The following PCED1B variants were observed in gnomAD, a reference collection of about 807,000 sequenced individuals.
PCED1B encodes PC-esterase domain containing 1B.
For missense variants in PCED1B, 573 were observed against 573.9 expected (o/e 1.00, Z 0.02); for synonymous variants, 251 against 246.1 (o/e 1.02, Z -0.19).
At chr12:47,218,669 C>CTTT (rs59140565) in intron 3 of PCED1B, among the ~76,000 whole-genome samples, 2 of 128,390 alleles carry the variant, frequency 1.6e-5, no homozygotes, top group Non-Finnish European at 1.6e-5. Flanking sequence ...AATTTTTTTT[C>CTTT]TTTTTTTTTT....
At chr12:47,087,240 A>T (rs1481222428) in intron 1 of PCED1B, among the ~76,000 whole-genome samples, 2 of 152,194 alleles carry the variant, frequency 1.3e-5, no homozygotes, top group African/African-American at 4.8e-5. Context: ...CCTACCACTT[A>T]TTATATTCTC....
chr12:47,205,917 A>T (rs931152831), intron 2 of PCED1B: 1 of 152,216 alleles, frequency 6.6e-6, no homozygotes, highest in African/African-American at 2.4e-5. Context: ...CCAGGGTTTT[A>T]TTATTACTCA....
At chr12:47,107,592 C>T (rs902539469) in intron 2 of PCED1B, among the ~76,000 whole-genome samples, 1 of 152,228 alleles carries the variant, frequency 6.6e-6, no homozygotes, top group South Asian at 2.1e-4. Flanking sequence ...AGAGGCCAGA[C>T]TCCAGCAGGC....
intron 3 of PCED1B, among the ~76,000 whole-genome samples, chr12:47,234,385 C>G (rs1943905995): frequency 6.6e-6 from 1 of 152,186 alleles, no homozygotes; most frequent in Non-Finnish European, 1.5e-5. Flanking sequence ...CGATATAAGA[C>G]TGTAAAGAAT....
intron 2 of PCED1B, among the ~76,000 whole-genome samples, chr12:47,164,931 G>C (rs989692655): frequency 6.6e-6 from 1 of 152,184 alleles, no homozygotes; most frequent in Admixed American, 6.5e-5. Context: ...AGGAAACCCT[G>C]GGCAGTGTGC....
At chr12:47,079,814 C>G (rs1941934393) in intron 1 of PCED1B, 89 bp downstream of exon 1, 1 of 149,190 alleles carries the variant, frequency 6.7e-6, no homozygotes. Context: ...CGCAGGCAGC[C>G]GGGCGGCAGC....
At chr12:47,090,189 T>A (rs905879827) in intron 1 of PCED1B, among the ~76,000 whole-genome samples, 25 of 152,082 alleles carry the variant, frequency 1.6e-4, no homozygotes, top group African/African-American at 5.8e-4. Context: ...TAACGGAGAA[T>A]GCAAAGACAA....
chr12:47,141,163 T>C (rs1310237736), intron 2 of PCED1B, among the ~76,000 whole-genome samples: 1 of 152,166 alleles, frequency 6.6e-6, no homozygotes, highest in African/African-American at 2.4e-5. Flanking sequence ...CCTCACTAAG[T>C]GTCTGTTTAA....
intron 2 of PCED1B, among the ~76,000 whole-genome samples, chr12:47,178,097 CCCACATGA>C (rs1941981357): frequency 6.6e-6 from 1 of 152,082 alleles, no homozygotes; most frequent in African/African-American, 2.4e-5. Context: ...TGCTTAAGGG[CCCACATGA>C]CCAAGAGTAG....
intron 2 of PCED1B, among the ~76,000 whole-genome samples, chr12:47,141,845 C>T (rs1009261104): frequency 2.0e-5 from 3 of 152,192 alleles, no homozygotes; most frequent in South Asian, 2.1e-4. Context: ...CCCTGTGACC[C>T]AGCTTCAGCA....
intron 2 of PCED1B, among the ~76,000 whole-genome samples, chr12:47,144,436 T>C (rs1178663988): frequency 6.6e-6 from 1 of 152,240 alleles, no homozygotes; most frequent in Admixed American, 6.5e-5. Flanking sequence ...TAACAGTATC[T>C]TGGTCACACA....
At chr12:47,166,958 T>C (rs911381098) in intron 2 of PCED1B, among the ~76,000 whole-genome samples, 9 of 152,256 alleles carry the variant, frequency 5.9e-5, no homozygotes, top group African/African-American at 2.2e-4. Flanking sequence ...GCCAGATGGT[T>C]AAGGCTTTTA....
At chr12:47,111,160 C>G (rs1939177761) in intron 2 of PCED1B, among the ~76,000 whole-genome samples, 1 of 152,100 alleles carries the variant, frequency 6.6e-6, no homozygotes, top group Non-Finnish European at 1.5e-5. Flanking sequence ...TTTCAAGGAC[C>G]TGTGCCACAA....
intron 2 of PCED1B, among the ~76,000 whole-genome samples, chr12:47,161,328 T>C (rs1033441187): frequency 3.9e-5 from 6 of 152,206 alleles, no homozygotes; most frequent in Non-Finnish European, 8.8e-5. Flanking sequence ...GTTAAAAAAA[T>C]GGTGTTTTCC....
At chr12:47,217,946 A>G (rs1943352233) in intron 3 of PCED1B, among the ~76,000 whole-genome samples, 1 of 152,212 alleles carries the variant, frequency 6.6e-6, no homozygotes, top group South Asian at 2.1e-4. Context: ...GGTATGCTAA[A>G]TAATGCCACT....
At chr12:47,123,329 T>G (rs1040775287) in intron 2 of PCED1B, among the ~76,000 whole-genome samples, 1 of 152,320 alleles carries the variant, frequency 6.6e-6, no homozygotes, top group South Asian at 2.1e-4. Context: ...TAATTGCTCC[T>G]TCTAGCCAGT....
At chr12:47,127,504 GA>G (rs534994687) in intron 2 of PCED1B, among the ~76,000 whole-genome samples, 1 of 150,022 alleles carries the variant, frequency 6.7e-6, no homozygotes, top group Non-Finnish European at 1.5e-5. Flanking sequence ...GAGTAGCTGG[GA>G]CTACAGGCAT....
At chr12:47,092,503 A>G (rs1938309546) in intron 1 of PCED1B, among the ~76,000 whole-genome samples, 1 of 151,984 alleles carries the variant, frequency 6.6e-6, no homozygotes, top group Non-Finnish European at 1.5e-5. Context: ...AATCTCCATG[A>G]CATTTATTTC....
intron 2 of PCED1B, among the ~76,000 whole-genome samples, chr12:47,113,279 G>A (rs1939278249): frequency 6.6e-6 from 1 of 152,152 alleles, no homozygotes; most frequent in Admixed American, 6.5e-5. Flanking sequence ...GAAAATCTCT[G>A]AATTTAGGAA....
Sources: gnomAD v4.1 joint callset for allele counts (sites outside exome capture counted in the v4.1 genomes callset) on GRCh38, gnomAD v4.1.1 for gene constraint, MANE v1.5 for transcripts, NCBI Gene and HGNC (gene_info 2026-07-23, HGNC 2026-07-21) for gene names.